The following MAGI2 variants were observed in gnomAD, a reference collection of about 807,000 sequenced individuals.
The protein encoded by MAGI2 is membrane-associated guanylate kinase, WW and PDZ domain-containing protein 2.
Under a neutral mutation model 133.3 loss-of-function variants are expected in MAGI2, and 35 were observed. That is an observed-to-expected ratio of 0.26 (90% CI 0.20 to 0.35). The LOEUF is 0.35. Among genes scored for constraint, MAGI2 ranks in the 10% least tolerant of loss-of-function variants. The probability of loss-of-function intolerance (pLI) is 1.00; values close to 1 mark genes in which losing one functional copy is unlikely to be tolerated. For missense variants in MAGI2, 1,636 were observed against 1,863.4 expected, an observed-to-expected ratio of 0.88 and a Z score of 2.25; for synonymous variants, 729 against 710.6, an observed-to-expected ratio of 1.03 and a Z score of -0.41.
At position 79,057,040 on chromosome 7, in the gene MAGI2, CTTG is replaced by C. The variant is rs1025212110; in HGVS notation, c.302-49837_302-49835del. 1.1e-4 allele frequency among the ~76,000 whole-genome samples: 17 copies of C among 152,166 alleles called. No homozygotes were observed. In the South Asian group the frequency reaches 1.7e-3, roughly 15 times the overall value. ...TGGGGTCAGTATTGTTGTTGTTTTT[CTTG>C]TTGTTTGTTGTTTTAAAATCTTACC... On this transcript the variant is annotated intron_variant, in intron 1 of 21. Transcript: ENST00000354212.
At chr7:79,080,748 T>C (rs1417256248) in intron 1 of MAGI2, among the ~76,000 whole-genome samples, 1 of 152,074 alleles carries the variant, frequency 6.6e-6, no homozygotes, top group East Asian at 1.9e-4. Flanking sequence ...ACTCTTAATA[T>C]CTAACCCTTC....
intron 10 of MAGI2, 145 bp downstream of exon 10, chr7:78,255,798 C>A (rs1268985245): frequency 3.6e-6 from 3 of 830,368 alleles, no homozygotes; most frequent in Non-Finnish European, 5.7e-6. Flanking sequence ...TCCTTTAATT[C>A]ATGTTTTTCT....
At chr7:78,356,611 G>T (rs948696685) in intron 7 of MAGI2, among the ~76,000 whole-genome samples, 2 of 152,166 alleles carry the variant, frequency 1.3e-5, no homozygotes, top group African/African-American at 4.8e-5. Flanking sequence ...TCAATTGAAA[G>T]ATTTTATAAA....
At chr7:78,088,033 AT>A (rs1216212710) in intron 20 of MAGI2, among the ~76,000 whole-genome samples, 1 of 152,232 alleles carries the variant, frequency 6.6e-6, no homozygotes, top group African/African-American at 2.4e-5. Flanking sequence ...GAAATCACTT[AT>A]ATTAGGTCAT....
At chr7:78,185,967 T>A (rs960291707) in intron 12 of MAGI2, among the ~76,000 whole-genome samples, 4 of 152,178 alleles carry the variant, frequency 2.6e-5, no homozygotes, top group African/African-American at 9.6e-5. Flanking sequence ...ATTTTCATTA[T>A]AAGAATACTT....
intron 3 of MAGI2, among the ~76,000 whole-genome samples, chr7:78,596,874 G>A (rs534744481): frequency 2.6e-4 from 40 of 152,232 alleles, no homozygotes; most frequent in African/African-American, 9.4e-4. Context: ...ACATGAATGG[G>A]TCTATCACAT....
intron 2 of MAGI2, among the ~76,000 whole-genome samples, chr7:78,935,456 A>G (rs1800440418): frequency 6.6e-6 from 1 of 152,146 alleles, no homozygotes; most frequent in Non-Finnish European, 1.5e-5. Flanking sequence ...CCTCTGCTTA[A>G]GCAGAAGTAG....
chr7:78,877,967 T>C (rs1464607920), intron 2 of MAGI2, among the ~76,000 whole-genome samples: 1 of 152,194 alleles, frequency 6.6e-6, no homozygotes, highest in East Asian at 1.9e-4. Flanking sequence ...TTTTTATACA[T>C]ATGTCTTATA....
At chr7:78,441,796 C>T (rs1348241059) in intron 6 of MAGI2, among the ~76,000 whole-genome samples, 2 of 152,208 alleles carry the variant, frequency 1.3e-5, no homozygotes, top group African/African-American at 2.4e-5. Flanking sequence ...ACTCCCACTA[C>T]AGGAATGAAA....
chr7:78,070,558 ATGTATATATATG>A (rs1356588635), intron 21 of MAGI2, among the ~76,000 whole-genome samples: 2 of 102,650 alleles, frequency 1.9e-5, no homozygotes, highest in Non-Finnish European at 4.0e-5. Context: ...ATGTGTATAT[ATGTATATATATG>A]TGTGTATATA....
At chr7:78,284,227 GTTTT>G (rs548784925) in intron 9 of MAGI2, among the ~76,000 whole-genome samples, 1 of 151,456 alleles carries the variant, frequency 6.6e-6, no homozygotes, top group Non-Finnish European at 1.5e-5. Context: ...CTAGGCAAAT[GTTTT>G]TTTAAGAACC....
chr7:78,273,165 G>C (rs1217776461), intron 9 of MAGI2, among the ~76,000 whole-genome samples: 1 of 152,176 alleles, frequency 6.6e-6, no homozygotes, highest in Admixed American at 6.5e-5. Context: ...GCATTTGCTT[G>C]TCTGTAAAGG....
intron 2 of MAGI2, among the ~76,000 whole-genome samples, chr7:78,804,215 T>A (rs900669763): frequency 1.5e-5 from 2 of 133,072 alleles, no homozygotes; most frequent in African/African-American, 5.2e-5. Context: ...TGGCTTCTGA[T>A]TGGAAAAAAG....
chr7:78,892,219 G>A (rs1467273599), intron 2 of MAGI2, among the ~76,000 whole-genome samples: 9 of 152,198 alleles, frequency 5.9e-5, no homozygotes, highest in East Asian at 1.9e-4. Context: ...ACTGCTCAAC[G>A]AAATAAAAGA....
At chr7:79,377,850 T>C (rs1843482915) in intron 1 of MAGI2, among the ~76,000 whole-genome samples, 1 of 151,730 alleles carries the variant, frequency 6.6e-6, no homozygotes, top group African/African-American at 2.4e-5. Flanking sequence ...AAAATAATAG[T>C]ATATGTAGGT....
chr7:78,900,399 T>A (rs1797532416), intron 2 of MAGI2, among the ~76,000 whole-genome samples: 1 of 152,186 alleles, frequency 6.6e-6, no homozygotes, highest in Admixed American at 6.5e-5. Flanking sequence ...GCTTCCTCTC[T>A]GACTTAATTC....
At chr7:78,217,597 T>C (rs1584435765) in intron 10 of MAGI2, among the ~76,000 whole-genome samples, 1 of 152,176 alleles carries the variant, frequency 6.6e-6, no homozygotes, top group Non-Finnish European at 1.5e-5. Flanking sequence ...CAGAAGGAAG[T>C]AGAGTTCTGA....
intron 2 of MAGI2, among the ~76,000 whole-genome samples, chr7:78,753,457 C>T (rs891679299): frequency 2.6e-5 from 4 of 151,982 alleles, no homozygotes; most frequent in Non-Finnish European, 5.9e-5. Flanking sequence ...ACCTCTGTGA[C>T]CTGTGAGACA....
intron 3 of MAGI2, among the ~76,000 whole-genome samples, chr7:78,558,560 T>G (rs1800059853): frequency 6.6e-6 from 1 of 152,214 alleles, no homozygotes; most frequent in South Asian, 2.1e-4. Flanking sequence ...TGCAAGGTGT[T>G]AGTAACATTG....
Sources: allele counts gnomAD v4.1 joint callset (sites outside exome capture counted in the v4.1 genomes callset), GRCh38; gene constraint gnomAD v4.1.1; transcripts MANE v1.5; gene names NCBI Gene and HGNC (gene_info 2026-07-23, HGNC 2026-07-21).